The following SCGB2B2 variants were observed in gnomAD, a reference collection of about 807,000 sequenced individuals.
SCGB2B2 encodes the protein secretoglobin-like protein.
A neutral mutation model predicts 7.6 loss-of-function variants in SCGB2B2; 11 were observed. That is an observed-to-expected ratio of 1.45 (90% CI 0.91 to 2.40). The LOEUF is 2.40. Among genes scored for constraint, SCGB2B2 ranks in the 30% most tolerant of loss-of-function variants. The pLI is 0.00. For missense variants in SCGB2B2, 104 were observed against 115.4 expected (o/e 0.90, Z 0.45); for synonymous variants, 50 against 48.6 (o/e 1.03, Z -0.12).
At chr19:34,619,695 G>A (rs561557958) in intron 1 of SCGB2B2, among the ~76,000 whole-genome samples, 118 of 152,266 alleles carry the variant, frequency 7.7e-4, no homozygotes, top group Non-Finnish European at 1.4e-3. Flanking sequence ...CCTAAGCCAG[G>A]AATTGAACCC....
At chr19:34,620,764 T>A (rs2066220668) in intron 1 of SCGB2B2, among the ~76,000 whole-genome samples, 1 of 152,230 alleles carries the variant, frequency 6.6e-6, no homozygotes. Context: ...CATGAGATGT[T>A]CCAGCAGCGA....
chr19:34,621,506 T>C (rs2066239937), intron 1 of SCGB2B2, among the ~76,000 whole-genome samples: 1 of 150,016 alleles, frequency 6.7e-6, no homozygotes, highest in Non-Finnish European at 1.5e-5. Flanking sequence ...CTTTCATACA[T>C]GCACTGACTG....
rs2067929989 is a variant in SCGB2B2 at position 34,676,042 on chromosome 19, G to C, written c.-2444C>G. The C allele has an allele frequency of 6.6e-6, 1 of 152,228 alleles. No individual in the cohort carries two copies. Among genetic ancestry groups the C allele is most frequent in the Non-Finnish European group, 1.5e-5 (1 of 68,064 alleles). 9.4% of individuals were successfully genotyped at this position (152,228 alleles called of 1,614,324 possible). A position where few individuals can be genotyped will look rare whatever the true frequency, so the allele number is the denominator to read the frequency against. On this transcript the variant is annotated 5_prime_UTR_variant, in exon 1 of 4. Transcript: ENST00000601241. Reference sequence around the variant, plus strand: ...AGTAGACCCCAGCGCGGTTGCCGCTGGTTGTTCGGGTGGCCCGTTTTTATT... The same window carrying C: ...AGTAGACCCCAGCGCGGTTGCCGCTCGTTGTTCGGGTGGCCCGTTTTTATT...
intron 1 of SCGB2B2, among the ~76,000 whole-genome samples, chr19:34,675,217 T>C (rs888745718): frequency 6.6e-6 from 1 of 152,128 alleles, no homozygotes; most frequent in Non-Finnish European, 1.5e-5. Context: ...GGAGTGAAAA[T>C]TGGTACAACT....
chr19:34,621,105 T>C (rs1449889379), intron 1 of SCGB2B2, among the ~76,000 whole-genome samples: 1 of 152,218 alleles, frequency 6.6e-6, no homozygotes, highest in Non-Finnish European at 1.5e-5. Flanking sequence ...ACAGCTTTTA[T>C]TTTTCCTTCA....
At chr19:34,627,313 C>A (rs2066406755) in intron 1 of SCGB2B2, among the ~76,000 whole-genome samples, 1 of 152,142 alleles carries the variant, frequency 6.6e-6, no homozygotes, top group African/African-American at 2.4e-5. Context: ...CACAGACTGG[C>A]AAATTGGATA....
At chr19:34,611,816 A>AT (rs908695484) in intron 1 of SCGB2B2, among the ~76,000 whole-genome samples, 169 of 149,396 alleles carry the variant, frequency 1.1e-3, no homozygotes, top group Non-Finnish European at 4.2e-4. Context: ...CACCTGGCTA[A>AT]TTTTTTTTTG....
intron 1 of SCGB2B2, among the ~76,000 whole-genome samples, chr19:34,617,642 T>A (rs2066121479): frequency 6.6e-6 from 1 of 152,204 alleles, no homozygotes; most frequent in Non-Finnish European, 1.5e-5. Context: ...CAGGGACAAT[T>A]TGACTTCCTC....
chr19:34,657,488 T>C (rs2146110671), intron 1 of SCGB2B2, among the ~76,000 whole-genome samples: 1 of 151,508 alleles, frequency 6.6e-6, no homozygotes, highest in Non-Finnish European at 1.5e-5. Flanking sequence ...CCAACAAAGA[T>C]CAAAAGAGAC....
At chr19:34,603,133 C>G (rs2065678406) in intron 1 of SCGB2B2, among the ~76,000 whole-genome samples, 1 of 152,154 alleles carries the variant, frequency 6.6e-6, no homozygotes, top group South Asian at 2.1e-4. Flanking sequence ...AACTCACAGG[C>G]ACAATAGATG....
intron 1 of SCGB2B2, among the ~76,000 whole-genome samples, chr19:34,639,110 T>C (rs2066769846): frequency 6.6e-6 from 1 of 152,238 alleles, no homozygotes; most frequent in Non-Finnish European, 1.5e-5. Context: ...AATTATTTCC[T>C]TTTCCTTACA....
chr19:34,597,523 G>T (rs540321774), intron 1 of SCGB2B2, among the ~76,000 whole-genome samples: 2 of 152,304 alleles, frequency 1.3e-5, no homozygotes, highest in South Asian at 4.1e-4. Context: ...GCTGGCACTG[G>T]GACCAGCAGT....
chr19:34,599,938 G>A (rs2065576087), intron 1 of SCGB2B2, among the ~76,000 whole-genome samples: 1 of 152,122 alleles, frequency 6.6e-6, no homozygotes, highest in South Asian at 2.1e-4. Flanking sequence ...TTACTGTAAT[G>A]CAAACCTCAC....
At chr19:34,635,361 C>T (rs62621125) in intron 1 of SCGB2B2, 1 of 285,458 alleles carries the variant, frequency 3.5e-6, no homozygotes, top group Non-Finnish European at 7.3e-6. Context: ...AGCCCTTTCT[C>T]CAGTGTGAAG....
Position 34,593,472 on chromosome 19 carries a change from G to T in SCGB2B2, c.*83C>A. 9.7e-7 allele frequency: 1 copy of T among 1,030,064 alleles called. No individual in the cohort carries two copies. The highest frequency in any genetic ancestry group is 1.6e-5 in the African/African-American group (1 of 62,790). The allele number at this position is 1,030,064 out of a possible 1,614,324, so 63.8% of individuals were successfully genotyped here. On this transcript the variant is annotated 3_prime_UTR_variant, in exon 4 of 4. Transcript: ENST00000601241. ...GCAGGTGTTCATTGGGGTCTCTGTA[G>T]TGATGAACAGAGCCAGGCCAGGAAC...
At chr19:34,622,500 C>A (rs1267838356) in intron 1 of SCGB2B2, among the ~76,000 whole-genome samples, 1 of 152,150 alleles carries the variant, frequency 6.6e-6, no homozygotes, top group Non-Finnish European at 1.5e-5. Flanking sequence ...TTGGGAAGGG[C>A]AAAGAGGAAA....
At chr19:34,620,747 T>C (rs889783852) in intron 1 of SCGB2B2, among the ~76,000 whole-genome samples, 2 of 152,200 alleles carry the variant, frequency 1.3e-5, no homozygotes, top group African/African-American at 2.4e-5. Flanking sequence ...GGCAGTGAAA[T>C]TGGGGCCATG....
At chr19:34,597,333 A>T (rs1366270274) in intron 1 of SCGB2B2, among the ~76,000 whole-genome samples, 2 of 151,814 alleles carry the variant, frequency 1.3e-5, no homozygotes, top group African/African-American at 4.8e-5. Flanking sequence ...CAGATCGTGC[A>T]CTTTCTATGC....
intron 1 of SCGB2B2, among the ~76,000 whole-genome samples, chr19:34,668,368 G>T (rs2067698949): frequency 6.6e-6 from 1 of 152,228 alleles, no homozygotes; most frequent in Non-Finnish European, 1.5e-5. Flanking sequence ...TTTCTCGCCG[G>T]GCCTTAGCTG....
Sources: allele counts gnomAD v4.1 joint callset (sites outside exome capture counted in the v4.1 genomes callset), GRCh38; gene constraint gnomAD v4.1.1; transcripts MANE v1.5; gene names NCBI Gene and HGNC (gene_info 2026-07-23, HGNC 2026-07-21).